KCNJ10: variants seen among roughly 807,000 people sequenced by gnomAD.
KCNJ10 encodes the protein potassium inwardly rectifying channel subfamily J member 10.
A neutral mutation model predicts 22.2 loss-of-function variants in KCNJ10; 9 were observed. That is an observed-to-expected ratio of 0.40 (90% confidence interval 0.24 to 0.71). The LOEUF (loss-of-function observed/expected upper bound fraction) is 0.71. KCNJ10 is among the 30% of genes least tolerant of loss of function. The probability of loss-of-function intolerance (pLI) is 0.35; values close to 1 mark genes in which losing one functional copy is unlikely to be tolerated. For synonymous variants in KCNJ10, 184 were observed against 187.3 expected, an observed-to-expected ratio of 0.98 and a Z score of 0.15; for missense variants, 337 against 482.7, an observed-to-expected ratio of 0.70 and a Z score of 2.83.
At chr1:160,049,681 A>ATATATATATATATATT (rs1648842210) in intron 1 of KCNJ10, among the ~76,000 whole-genome samples, 1 of 75,374 alleles carries the variant, frequency 1.3e-5, no homozygotes, top group African/African-American at 7.3e-5. Context: ...TTATTTATAT[A>ATATATATATATATATT]TATATATATA....
intron 1 of KCNJ10, 120 bp from the exon 2 acceptor site, chr1:160,042,652 T>C (rs1393074350): frequency 1.0e-6 from 1 of 957,396 alleles, no homozygotes; most frequent in Non-Finnish European, 1.6e-6. Context: ...GTTCTTGTCT[T>C]ACCAAATATT....
chr1:160,062,024 T>G (rs926329778), intron 1 of KCNJ10, among the ~76,000 whole-genome samples: 1 of 151,854 alleles, frequency 6.6e-6, no homozygotes, highest in Non-Finnish European at 1.5e-5. Flanking sequence ...GGGCAGGCTC[T>G]GAGTGCCCCT....
At position 160,037,730 on chromosome 1, in the gene KCNJ10, G is replaced by T. The variant is rs982771733; in HGVS notation, c.*3663C>A. 2 of 152,256 alleles carry T rather than the reference G, an allele frequency of 1.3e-5. No homozygotes were observed. The highest frequency in any genetic ancestry group is 2.9e-5 in the Non-Finnish European group (2 of 68,062). The allele number at this position is 152,256 out of a possible 1,614,324, so 9.4% of individuals were successfully genotyped here. A position where few individuals can be genotyped will look rare whatever the true frequency, so the allele number is the denominator to read the frequency against. On this transcript the variant is annotated 3_prime_UTR_variant, in exon 2 of 2. Transcript: ENST00000644903. ...TAGCTAGCAAGAATAAAGGACCAGG[G>T]CAGCAGCCATGGAGAGGGCACAGTG...
intron 1 of KCNJ10, among the ~76,000 whole-genome samples, chr1:160,056,376 TC>T (rs943386627): frequency 6.6e-6 from 1 of 152,214 alleles, no homozygotes; most frequent in Non-Finnish European, 1.5e-5. Context: ...TGGAATATTT[TC>T]CCTGTGCAGC....
In KCNJ10 at chr1:160,041,383, G is replaced by T; in HGVS notation, c.*10C>A. ...AGAGACCAGAGGAATGGGGGAGTGG[G>T]AACAGGTCATCAGACATTGCTGATG... On this transcript the variant is annotated 3_prime_UTR_variant, in exon 2 of 2. Coordinates refer to ENST00000644903, the MANE Select transcript of KCNJ10 (RefSeq NM_002241.5). The surrounding 1 kb of genome is among the most constrained non-coding windows in gnomAD (Gnocchi z 4.4). 6.2e-7 allele frequency: 1 copy of T among 1,610,630 alleles called. No homozygotes were observed. The highest frequency in any genetic ancestry group is 8.5e-7 in the Non-Finnish European group (1 of 1,178,968).
At chr1:160,066,960 C>T (rs1649334250) in intron 1 of KCNJ10, among the ~76,000 whole-genome samples, 1 of 152,190 alleles carries the variant, frequency 6.6e-6, no homozygotes, top group African/African-American at 2.4e-5. Flanking sequence ...GAGATCTAAC[C>T]TAAGTCCTTC....
rs1348153476 is a variant in KCNJ10 at position 160,042,097 on chromosome 1, G to A, written c.436C>T (p.Leu146Phe). Residue 146 changes from leucine (L) to phenylalanine (F), a missense_variant, in exon 2 of 2, where the codon CTT (leucine) becomes TTT (phenylalanine). By Grantham distance (22) the Leu-to-Phe change is conservative (BLOSUM62 0). This residue lies in a region of KCNJ10 where 165 missense variants were observed against 281.5 expected (regional missense o/e 0.59). Coordinates refer to ENST00000644903, the MANE Select transcript of KCNJ10 (RefSeq NM_002241.5). ...GTGAGCACCAGCTGGGCAATAAGAA[G>A]CACAATGGCCAGTGGACATTCCTCA... ...ISEECPLAIVLLIAQLVLTTI... is the reference protein window; with the variant it reads ...ISEECPLAIVFLIAQLVLTTI... 3 of 1,551,612 alleles carry A rather than the reference G, an allele frequency of 1.9e-6. No homozygotes were observed. The East Asian group carries it at 6.8e-5, about 35-fold the overall frequency.
rs1553235657 is a variant in KCNJ10, at chr1:160,049,691, A to ATATATATATATATATATT, written c.1-7160_1-7159insAATATATATATATATATA. ...TTTATTTATTTATATATATATATAT[A>ATATATATATATATATATT]TATATATATATATATATATATATAT... On this transcript the variant is annotated intron_variant, in intron 1 of 1. Transcript: ENST00000644903. 2.9e-3 allele frequency among the ~76,000 whole-genome samples: 331 copies of ATATATATATATATATATT among 113,460 alleles called. 4 individuals are homozygous for ATATATATATATATATATT. Among genetic ancestry groups the ATATATATATATATATATT allele is most frequent in the Non-Finnish European group, 5.4e-3 (298 of 55,470 alleles). The allele number at this position is 113,460 out of a possible 152,430, so 74.4% of individuals were successfully genotyped here.
chr1:160,038,784 C>T lies in KCNJ10; in HGVS notation c.*2609G>A, dbSNP rs956105145. The T allele has an allele frequency of 6.6e-6, 1 of 152,182 alleles. No individual in the cohort carries two copies. The highest frequency in any genetic ancestry group is 2.4e-5 in the African/African-American group (1 of 41,434). 9.4% of individuals were successfully genotyped at this position (152,182 alleles called of 1,614,324 possible). On this transcript the variant is annotated 3_prime_UTR_variant, in exon 2 of 2. Transcript: ENST00000644903. ...TTCTTGTTTGCGAGCCTAAGCAAGA[C>T]TCAAGAGTTTCATTGATTTCACTAG...
intron 1 of KCNJ10, among the ~76,000 whole-genome samples, chr1:160,067,142 C>G (rs543462681): frequency 6.6e-6 from 1 of 152,292 alleles, no homozygotes; most frequent in East Asian, 1.9e-4. Context: ...TCTGTTCTTA[C>G]TTCTCTCTCA....
At position 160,039,599 on chromosome 1, in the gene KCNJ10, G is replaced by A. The variant is rs1371688333; in HGVS notation, c.*1794C>T. The A allele has an allele frequency of 6.6e-6, 1 of 152,192 alleles. No individual in the cohort carries two copies. The highest frequency in any genetic ancestry group is 1.9e-4 in the East Asian group (1 of 5,202). 9.4% of individuals were successfully genotyped at this position (152,192 alleles called of 1,614,324 possible). On this transcript the variant is annotated 3_prime_UTR_variant, in exon 2 of 2. Coordinates refer to ENST00000644903, the MANE Select transcript of KCNJ10 (RefSeq NM_002241.5). ...GTAATGGTGGGGTTTACTGTAGATG[G>A]ACACCGAAGGGTCTTTGTTTTCAAG...
In KCNJ10 at chr1:160,041,815, C is replaced by T. The variant is rs751293401; in HGVS notation, c.718G>A (p.Val240Ile). The T allele has an allele frequency of 1.2e-5, 19 of 1,614,200 alleles. 2 individuals are homozygous for T. The South Asian group carries it at 2.1e-4, about 18-fold the overall frequency. The change falls in exon 2 of 2, where the codon GTA becomes ATA. Residue 240 changes from valine to isoleucine, a missense_variant. By Grantham distance (29) the Val-to-Ile change is conservative (BLOSUM62 3). Around this residue, in one of 3 missense-constraint regions of KCNJ10, gnomAD observed 165 missense variants for 281.5 expected, o/e 0.59. Coordinates refer to ENST00000644903, the MANE Select transcript of KCNJ10 (RefSeq NM_002241.5). This position sits in a 1 kb window ranked among gnomAD's most constrained non-coding sequence, Gnocchi z 4.4. ...RLNQVNVTFQ[V>I]DTASDSPFLI... is the part of the protein sequence containing the mutation. ...AAGGGGCTGTCAGAGGCTGTGTCTA[C>T]TTGGAAAGTCACATTGACCTGGTTG... is the stretch of plus-strand genomic sequence containing the variant.
chr1:160,041,995 G>A lies in KCNJ10; in HGVS notation c.538C>T (p.Arg180Cys), dbSNP rs557187094. The change falls in exon 2 of 2, where the codon CGT (arginine) becomes TGT (cysteine). Residue 180 changes from arginine to cysteine, a missense_variant. This residue lies in a region of KCNJ10 where 165 missense variants were observed against 281.5 expected (regional missense o/e 0.59). Coordinates refer to ENST00000644903, the MANE Select transcript of KCNJ10 (RefSeq NM_002241.5). This position sits in a 1 kb window ranked among gnomAD's most constrained non-coding sequence, Gnocchi z 4.4. ...GCCACAACTGCATGCTGGCTGAAAC[G>A]AATGGTCTCAGCCCGCTTCTTGGGC... is the stretch of plus-strand genomic sequence containing the variant. ...ARPKKRAETI[R>C]FSQHAVVASH... 1.1e-5 allele frequency: 17 copies of A among 1,587,798 alleles called. No individual in the cohort carries two copies. The highest frequency in any genetic ancestry group is 1.0e-4 in the South Asian group (9 of 85,816).
Position 160,037,473 on chromosome 1 carries a change from C to T in KCNJ10, c.*3920G>A, listed in dbSNP as rs1402249141. On this transcript the variant is annotated 3_prime_UTR_variant, in exon 2 of 2. Coordinates refer to ENST00000644903, the MANE Select transcript of KCNJ10 (RefSeq NM_002241.5). Reference sequence around the variant, plus strand: ...TTTTTAAAAGAAGCTAGAGTGACAACCAAAGAGTCATCCATTTTATTTAGT... The same window carrying T: ...TTTTTAAAAGAAGCTAGAGTGACAATCAAAGAGTCATCCATTTTATTTAGT... 6.6e-6 allele frequency: 1 copy of T among 152,144 alleles called. No homozygotes were observed. Among genetic ancestry groups the T allele is most frequent in the Non-Finnish European group, 1.5e-5 (1 of 68,020 alleles). The allele number at this position is 152,144 out of a possible 1,614,324, so 9.4% of individuals were successfully genotyped here.
intron 1 of KCNJ10, among the ~76,000 whole-genome samples, chr1:160,060,434 G>A (rs1036932087): frequency 6.6e-6 from 1 of 152,188 alleles, no homozygotes; most frequent in Non-Finnish European, 1.5e-5. Context: ...ACAGATGGAT[G>A]AGGCGGCTTA....
chr1:160,041,300 G>A lies in KCNJ10; in HGVS notation c.*93C>T, dbSNP rs114052043. On this transcript the variant is annotated 3_prime_UTR_variant, in exon 2 of 2. Transcript: ENST00000644903. This position sits in a 1 kb window ranked among gnomAD's most constrained non-coding sequence, Gnocchi z 4.4. Reference sequence around the variant, plus strand: ...AGAGGGAGTGGAGGATGGGTGCTTCGGGGGATCTCCAGTAAACCCGGGTAG... The same window carrying A: ...AGAGGGAGTGGAGGATGGGTGCTTCAGGGGATCTCCAGTAAACCCGGGTAG... 3,457 of 1,287,536 alleles carry A rather than the reference G, an allele frequency of 2.7e-3. 74 individuals are homozygous for A. In the African/African-American group the frequency reaches 0.042, roughly 16 times the overall value. 79.8% of individuals were successfully genotyped at this position (1,287,536 alleles called of 1,614,324 possible). A position where few individuals can be genotyped will look rare whatever the true frequency, so the allele number is the denominator to read the frequency against.
At chr1:160,062,256 C>T (rs1331576757) in intron 1 of KCNJ10, among the ~76,000 whole-genome samples, 3 of 151,854 alleles carry the variant, frequency 2.0e-5, no homozygotes, top group Non-Finnish European at 4.4e-5. Context: ...GACACTGGGG[C>T]GAAGGGGGGG....
chr1:160,049,675 TTATATA>T (rs57790887), intron 1 of KCNJ10, among the ~76,000 whole-genome samples: 2,425 of 46,954 alleles, frequency 0.052, 63 homozygotes, highest in East Asian at 0.075. Flanking sequence ...TTTTATTTAT[TTATATA>T]TATATATATA....
intron 1 of KCNJ10, among the ~76,000 whole-genome samples, chr1:160,068,338 T>C (rs750982277): frequency 3.3e-5 from 5 of 151,270 alleles, no homozygotes; most frequent in Non-Finnish European, 5.9e-5. Flanking sequence ...CTGAGACAAC[T>C]TGGCTGCTCA....
Sources: allele counts gnomAD v4.1 joint callset (sites outside exome capture counted in the v4.1 genomes callset), GRCh38; gene constraint gnomAD v4.1.1; regional missense constraint gnomAD v4.1.1; non-coding constraint Gnocchi (gnomAD v3.1); transcripts MANE v1.5; gene names NCBI Gene and HGNC (gene_info 2026-07-23, HGNC 2026-07-21).